The following SLC7A8 variants were observed in gnomAD, a reference collection of about 807,000 sequenced individuals.
SLC7A8 encodes the protein large neutral amino acids transporter small subunit 2.
A neutral mutation model predicts 51.2 loss-of-function variants in SLC7A8; 30 were observed. The ratio of observed to expected loss-of-function variants is 0.59; its 90% confidence interval spans 0.44 to 0.80. The LOEUF (loss-of-function observed/expected upper bound fraction) is 0.80, where lower values mean the gene tolerates loss of function less well. Ranked by LOEUF, SLC7A8 falls within the 30% of genes least tolerant of loss-of-function variation. The pLI is 0.00. For missense variants in SLC7A8, 612 were observed against 674.4 expected, an observed-to-expected ratio of 0.91 and a Z score of 1.03; for synonymous variants, 257 against 275.8, an observed-to-expected ratio of 0.93 and a Z score of 0.67.
At chr14:23,180,705 T>A (rs74817633) in intron 1 of SLC7A8, among the ~76,000 whole-genome samples, 3 of 152,094 alleles carry the variant, frequency 2.0e-5, no homozygotes, top group Non-Finnish European at 4.4e-5. Context: ...ATTGTACTTA[T>A]TATACCTGAA....
intron 6 of SLC7A8, 101 bp downstream of exon 6, chr14:23,139,323 A>C: frequency 6.4e-7 from 1 of 1,574,512 alleles, no homozygotes; most frequent in Non-Finnish European, 8.7e-7. Context: ...GGTGATTTCC[A>C]CTTCCACAAG....
At chr14:23,144,337 C>T (rs1407659348) in intron 3 of SLC7A8, among the ~76,000 whole-genome samples, 2 of 109,220 alleles carry the variant, frequency 1.8e-5, no homozygotes, top group African/African-American at 6.4e-5. Flanking sequence ...TCAGTTTAAA[C>T]ACAATTTTTT....
At position 23,148,609 on chromosome 14, in the gene SLC7A8, A is replaced by C. The variant is rs560611137; in HGVS notation, c.509-5405T>G. On this transcript the variant is annotated intron_variant, in intron 3 of 10. Transcript: ENST00000316902. The stretch of plus-strand genomic sequence containing the variant: ...TGTCACAGGAGTCCTTTCAAGAGGG[A>C]GGCAAGAAGGTCAGAGTTATAAAAA... 4.6e-5 allele frequency among the ~76,000 whole-genome samples: 7 copies of C among 152,336 alleles called. No individual in the cohort carries two copies. The South Asian group carries it at 1.5e-3, about 32-fold the overall frequency.
intron 1 of SLC7A8, among the ~76,000 whole-genome samples, chr14:23,172,811 A>G (rs867267107): frequency 2.6e-5 from 4 of 152,218 alleles, no homozygotes; most frequent in Admixed American, 6.5e-5. Context: ...ACAACAAAGT[A>G]TCTGGGCTTC....
chr14:23,178,569 G>A (rs891506274), intron 1 of SLC7A8, among the ~76,000 whole-genome samples: 1 of 151,020 alleles, frequency 6.6e-6, no homozygotes, highest in Non-Finnish European at 1.5e-5. Flanking sequence ...CAGGCATTCT[G>A]TTAAACACTA....
chr14:23,182,721 C>A, intron 1 of SLC7A8, 43 bp downstream of exon 1: 2 of 1,514,426 alleles, frequency 1.3e-6, no homozygotes, highest in Non-Finnish European at 1.8e-6. Flanking sequence ...AGGAGGACCA[C>A]CAGAGGGGAG....
chr14:23,149,610 A>C lies in SLC7A8; in HGVS notation c.509-6406T>G, dbSNP rs147972812. ...AGTCCTGAGTCTGAGTACACTCTTCACATCAGAGGGGACAGAGTGGCCCCA... is the reference window on the plus strand; with the variant it reads ...AGTCCTGAGTCTGAGTACACTCTTCCCATCAGAGGGGACAGAGTGGCCCCA... On this transcript the variant is annotated intron_variant, in intron 3 of 10. Coordinates refer to ENST00000316902, the MANE Select transcript of SLC7A8 (RefSeq NM_012244.4). Among the ~76,000 whole-genome samples, 14 of 152,350 alleles carry C rather than the reference A, an allele frequency of 9.2e-5. No homozygotes were observed. In the East Asian group the frequency reaches 2.7e-3, roughly 29 times the overall value.
At chr14:23,178,771 A>T (rs936929286) in intron 1 of SLC7A8, among the ~76,000 whole-genome samples, 1 of 151,566 alleles carries the variant, frequency 6.6e-6, no homozygotes, top group South Asian at 2.1e-4. Flanking sequence ...AAATAATTTT[A>T]AAAATTATTA....
chr14:23,164,111 T>A (rs1305266039), intron 3 of SLC7A8, among the ~76,000 whole-genome samples: 2 of 152,168 alleles, frequency 1.3e-5, no homozygotes, highest in Non-Finnish European at 2.9e-5. Context: ...TAGCTGGAAC[T>A]ACAGGTGTAC....
intron 3 of SLC7A8, among the ~76,000 whole-genome samples, chr14:23,158,579 C>T (rs1247435855): frequency 2.0e-5 from 3 of 152,172 alleles, no homozygotes; most frequent in Non-Finnish European, 2.9e-5. Flanking sequence ...CTCCTGACCT[C>T]GTGATCCACC....
At chr14:23,148,374 G>A (rs1237919405) in intron 3 of SLC7A8, among the ~76,000 whole-genome samples, 2 of 152,076 alleles carry the variant, frequency 1.3e-5, no homozygotes, top group African/African-American at 4.8e-5. Flanking sequence ...GATTACAGGT[G>A]TCCGCCACCA....
Position 23,161,123 on chromosome 14 carries a change from C to T in SLC7A8, c.508+4162G>A, listed in dbSNP as rs551943038. Among the ~76,000 whole-genome samples the T allele has an allele frequency of 1.6e-4, 24 of 152,188 alleles. No homozygotes were observed. In the South Asian group the frequency reaches 4.8e-3, roughly 30 times the overall value. ...AGTTCCTTCCCTCTCCCTCTCCTCT[C>T]CCCGACCCGCTCAGGATCCGGCAGG... On this transcript the variant is annotated intron_variant, in intron 3 of 10. Coordinates refer to ENST00000316902, the MANE Select transcript of SLC7A8 (RefSeq NM_012244.4).
intron 1 of SLC7A8, among the ~76,000 whole-genome samples, chr14:23,174,769 G>A (rs187557786): frequency 6.6e-6 from 1 of 152,338 alleles, no homozygotes; most frequent in Admixed American, 6.5e-5. Context: ...AGGGAGAAGG[G>A]ATCTGGGGGC....
At chr14:23,161,722 G>C (rs972286449) in intron 3 of SLC7A8, among the ~76,000 whole-genome samples, 6 of 152,130 alleles carry the variant, frequency 3.9e-5, no homozygotes, top group African/African-American at 1.4e-4. Flanking sequence ...GAGGTCAGGA[G>C]TTTGAGACCA....
intron 4 of SLC7A8, 92 bp downstream of exon 4, chr14:23,142,987 G>A (rs984843514): frequency 6.7e-7 from 1 of 1,485,272 alleles, no homozygotes; most frequent in African/African-American, 1.4e-5. Context: ...GGAAATCTCA[G>A]GGTGTGGCAT....
chr14:23,154,554 G>C (rs2140327593), intron 3 of SLC7A8: 4 of 885,448 alleles, frequency 4.5e-6, no homozygotes, highest in Non-Finnish European at 5.4e-6. Flanking sequence ...CTTCGGCTTG[G>C]CCTGTCCAAC....
At chr14:23,138,432 C>T (rs1349103200) in intron 6 of SLC7A8, among the ~76,000 whole-genome samples, 1 of 152,202 alleles carries the variant, frequency 6.6e-6, no homozygotes, top group East Asian at 1.9e-4. Context: ...AGGGCACAGG[C>T]TTGTCAGGCA....
rs1416905950 is a variant in SLC7A8 at position 23,126,272 on chromosome 14, G to A, written c.*905C>T. 1 of 153,810 alleles carries A rather than the reference G, an allele frequency of 6.5e-6. No individual in the cohort carries two copies. The highest frequency in any genetic ancestry group is 2.4e-5 in the African/African-American group (1 of 41,460). 9.5% of individuals were successfully genotyped at this position (153,810 alleles called of 1,614,324 possible). A position where few individuals can be genotyped will look rare whatever the true frequency, so the allele number is the denominator to read the frequency against. ...GTCCCAAGCCAAGGCCCAGAGAGGA[G>A]AAGTGCACGGTGGGGGCGGTGGTGC... is the stretch of plus-strand genomic sequence containing the variant. On this transcript the variant is annotated 3_prime_UTR_variant, in exon 11 of 11. Coordinates refer to ENST00000316902, the MANE Select transcript of SLC7A8 (RefSeq NM_012244.4).
chr14:23,133,166 G>A (rs900363290), intron 7 of SLC7A8, among the ~76,000 whole-genome samples: 8 of 152,142 alleles, frequency 5.3e-5, no homozygotes, highest in African/African-American at 1.4e-4. Context: ...GTCTGGGCAC[G>A]GTGGGTAACA....
Sources: allele counts gnomAD v4.1 joint callset (sites outside exome capture counted in the v4.1 genomes callset), GRCh38; gene constraint gnomAD v4.1.1; transcripts MANE v1.5; gene names NCBI Gene and HGNC (gene_info 2026-07-23, HGNC 2026-07-21).